CCDC138: variants seen among roughly 807,000 people sequenced by gnomAD.
CCDC138 encodes coiled-coil domain-containing protein 138.
In CCDC138, 66 loss-of-function variants were observed where a neutral mutation model predicts 82.3. That is an observed-to-expected ratio of 0.80 (90% CI 0.66 to 0.98). The LOEUF is 0.98. Ranked by LOEUF, CCDC138 falls within the 50% of genes least tolerant of loss-of-function variation. The pLI is 0.00. For missense variants in CCDC138, 816 were observed against 758.9 expected (o/e 1.08, Z -0.88); for synonymous variants, 297 against 265.4 (o/e 1.12, Z -1.16).
intron 4 of CCDC138, among the ~76,000 whole-genome samples, chr2:108,792,336 A>G (rs1189751294): frequency 6.6e-6 from 1 of 152,172 alleles, no homozygotes; most frequent in Non-Finnish European, 1.5e-5. Context: ...CCTTTGTCCC[A>G]TTATTCTCAT....
chr2:108,855,284 G>A (rs1692394467), intron 12 of CCDC138, among the ~76,000 whole-genome samples: 1 of 152,078 alleles, frequency 6.6e-6, no homozygotes, highest in Admixed American at 6.6e-5. Flanking sequence ...ATTTTTTAAA[G>A]TTTGCAAACT....
At chr2:108,830,239 G>T (rs1687330648) in intron 10 of CCDC138, among the ~76,000 whole-genome samples, 1 of 152,152 alleles carries the variant, frequency 6.6e-6, no homozygotes, top group African/African-American at 2.4e-5. Context: ...TAGAATGGTG[G>T]TTACCAAGGG....
intron 11 of CCDC138, 23 bp from the exon 12 acceptor site, chr2:108,846,715 A>G: frequency 1.3e-6 from 2 of 1,574,662 alleles, no homozygotes; most frequent in Non-Finnish European, 1.7e-6. Context: ...TAAATATACT[A>G]AGATTGTACA....
chr2:108,875,441 G>C (rs1006766449), intron 14 of CCDC138, among the ~76,000 whole-genome samples: 1 of 151,868 alleles, frequency 6.6e-6, no homozygotes, highest in Non-Finnish European at 1.5e-5. Context: ...CCAATATTCT[G>C]CCACTTTAAA....
At chr2:108,844,691 A>T (rs1401974494) in intron 11 of CCDC138, among the ~76,000 whole-genome samples, 1 of 151,808 alleles carries the variant, frequency 6.6e-6, no homozygotes, top group African/African-American at 2.4e-5. Flanking sequence ...AACAACCCAG[A>T]GTGCTATTTT....
At chr2:108,832,862 G>A (rs1015136356) in intron 10 of CCDC138, among the ~76,000 whole-genome samples, 3 of 152,130 alleles carry the variant, frequency 2.0e-5, no homozygotes, top group African/African-American at 7.2e-5. Context: ...GCAGTGAGCT[G>A]GAAGTGGAGT....
At chr2:108,844,101 AT>A (rs1690041696) in intron 11 of CCDC138, among the ~76,000 whole-genome samples, 1 of 151,318 alleles carries the variant, frequency 6.6e-6, no homozygotes, top group African/African-American at 2.4e-5. Context: ...GGCTCAAGCG[AT>A]CTTCCATCTT....
intron 13 of CCDC138, among the ~76,000 whole-genome samples, chr2:108,861,058 A>G (rs777113957): frequency 7.0e-6 from 1 of 143,866 alleles, no homozygotes. Flanking sequence ...GGGAGATTGT[A>G]TATTTCTGGG....
downstream of CCDC138, among the ~76,000 whole-genome samples, chr2:108,878,795 A>G (rs1279520239): frequency 6.6e-6 from 1 of 152,226 alleles, no homozygotes; most frequent in Non-Finnish European, 1.5e-5. Flanking sequence ...GGAGCTGTTA[A>G]CTACAATCTT....
At chr2:108,857,002 A>C in intron 13 of CCDC138, 32 bp downstream of exon 13, 1 of 1,312,030 alleles carries the variant, frequency 7.6e-7, no homozygotes, top group Non-Finnish European at 1.1e-6. Context: ...GTGTAAAGAA[A>C]GCAGGATGAT....
At chr2:108,833,766 C>T (rs1261098385) in intron 10 of CCDC138, among the ~76,000 whole-genome samples, 18 of 137,316 alleles carry the variant, frequency 1.3e-4, no homozygotes, top group Admixed American at 7.7e-4. Flanking sequence ...CTTGCTTTGT[C>T]GCCCAGGCTG....
chr2:108,855,347 A>G (rs753410954), intron 12 of CCDC138, among the ~76,000 whole-genome samples: 12 of 152,224 alleles, frequency 7.9e-5, no homozygotes, highest in Non-Finnish European at 1.2e-4. Flanking sequence ...TATAGTATTC[A>G]ACCTGTTTAA....
intron 9 of CCDC138, among the ~76,000 whole-genome samples, chr2:108,814,344 A>T (rs1263427710): frequency 6.6e-6 from 1 of 152,048 alleles, no homozygotes; most frequent in Non-Finnish European, 1.5e-5. Flanking sequence ...ATGGGCTTTG[A>T]TCATTTTGAT....
At chr2:108,844,251 G>A (rs113062138) in intron 11 of CCDC138, among the ~76,000 whole-genome samples, 3 of 152,022 alleles carry the variant, frequency 2.0e-5, no homozygotes, top group African/African-American at 7.2e-5. Context: ...TTGAAGTTCT[G>A]GTGGTTGTTG....
chr2:108,831,535 G>C (rs1303427672), intron 10 of CCDC138, among the ~76,000 whole-genome samples: 1 of 152,166 alleles, frequency 6.6e-6, no homozygotes, highest in African/African-American at 2.4e-5. Flanking sequence ...GAAATGGCTA[G>C]GAAAAGACAG....
chr2:108,827,619 A>C (rs1250726219), intron 10 of CCDC138, among the ~76,000 whole-genome samples: 1 of 152,066 alleles, frequency 6.6e-6, no homozygotes, highest in Non-Finnish European at 1.5e-5. Flanking sequence ...GACGGAGACT[A>C]TCCTGGCTAA....
At chr2:108,843,880 T>TGTGTGTG (rs1558717151) in intron 11 of CCDC138, among the ~76,000 whole-genome samples, 39 of 94,114 alleles carry the variant, frequency 4.1e-4, no homozygotes, top group African/African-American at 2.1e-3. Context: ...GTGTGTGTGT[T>TGTGTGTG]TCTTTCTTTT....
At chr2:108,873,417 C>A in intron 13 of CCDC138, 34 bp from the exon 14 acceptor site, 1 of 1,516,142 alleles carries the variant, frequency 6.6e-7, no homozygotes, top group Non-Finnish European at 8.8e-7. Context: ...TTCGCTACTC[C>A]CTAATAGTAA....
At chr2:108,796,904 G>C (rs958962987) in intron 5 of CCDC138, among the ~76,000 whole-genome samples, 1 of 152,176 alleles carries the variant, frequency 6.6e-6, no homozygotes, top group African/African-American at 2.4e-5. Flanking sequence ...GTATTTACTA[G>C]TACAATAGGG....
Sources: allele counts gnomAD v4.1 joint callset (sites outside exome capture counted in the v4.1 genomes callset), GRCh38; gene constraint gnomAD v4.1.1; transcripts MANE v1.5; gene names NCBI Gene and HGNC (gene_info 2026-07-23, HGNC 2026-07-21).